LYZL4: variants seen among roughly 807,000 people sequenced by gnomAD.
LYZL4 encodes the protein lysozyme like 4.
LYZL4 carries 13 observed loss-of-function variants against 17.6 expected under a neutral mutation model. That is an observed-to-expected ratio of 0.74 (90% CI 0.48 to 1.18). LYZL4 has a LOEUF of 1.18. Among genes scored for constraint, LYZL4 ranks in the 50% most tolerant of loss-of-function variants. The probability of loss-of-function intolerance (pLI) is 0.00; values close to 1 mark genes in which losing one functional copy is unlikely to be tolerated. For synonymous variants in LYZL4, 64 were observed against 67.7 expected (o/e 0.95, Z 0.27); for missense variants, 174 against 188.2 (o/e 0.92, Z 0.44).
chr3:42,364,268 T>C, the LYZL4 span, among the ~76,000 whole-genome samples: 1 of 152,122 alleles, frequency 6.6e-6, no homozygotes. Flanking sequence ...AGCAATGGGG[T>C]GTCCTACAAC....
At chr3:42,364,486 G>T in the LYZL4 span, among the ~76,000 whole-genome samples, 1 of 151,786 alleles carries the variant, frequency 6.6e-6, no homozygotes, top group Non-Finnish European at 1.5e-5. Context: ...GGGATTACAG[G>T]CACTCGCCAC....
intron 4 of LYZL4, among the ~76,000 whole-genome samples, chr3:42,401,279 T>C (rs1698647914): frequency 6.6e-6 from 1 of 152,088 alleles, no homozygotes; most frequent in African/African-American, 2.4e-5. Context: ...CACACAATCT[T>C]AGCTCACTGG....
chr3:42,407,282 C>G lies in LYZL4; in HGVS notation c.-31G>C. On this transcript the variant is annotated 5_prime_UTR_variant, in exon 2 of 5. Transcript: ENST00000287748. ...CCAGGCTCCTGGCAGGTCAGGGCAA[C>G]GGTGGCCAGATGAGTGGGTGGAGTC... 6.2e-7 allele frequency: 1 copy of G among 1,612,774 alleles called. No individual in the cohort carries two copies. The highest frequency in any genetic ancestry group is 8.5e-7 in the Non-Finnish European group (1 of 1,179,590).
the LYZL4 span, among the ~76,000 whole-genome samples, chr3:42,385,557 T>C: frequency 1.3e-5 from 2 of 152,164 alleles, no homozygotes; most frequent in Non-Finnish European, 2.9e-5. Flanking sequence ...TGTATCCACA[T>C]CATTAAGTAA....
the LYZL4 span, among the ~76,000 whole-genome samples, chr3:42,381,496 C>T: frequency 6.6e-6 from 1 of 152,146 alleles, no homozygotes; most frequent in East Asian, 1.9e-4. Flanking sequence ...TGGCTTAAAA[C>T]TGACATATGA....
chr3:42,386,099 C>CT, the LYZL4 span, among the ~76,000 whole-genome samples: 8 of 151,348 alleles, frequency 5.3e-5, no homozygotes, highest in South Asian at 2.1e-4. Flanking sequence ...CTCCTGCATC[C>CT]TTTTTTTTTC....
chr3:42,371,231 A>T, the LYZL4 span, among the ~76,000 whole-genome samples: 2 of 152,206 alleles, frequency 1.3e-5, no homozygotes, highest in East Asian at 3.8e-4. Flanking sequence ...TTATTGCCTT[A>T]CTAGAGGAGA....
chr3:42,384,355 A>G, the LYZL4 span, among the ~76,000 whole-genome samples: 1 of 152,164 alleles, frequency 6.6e-6, no homozygotes, highest in African/African-American at 2.4e-5. Context: ...CCAAGAAGAA[A>G]GAAGGGATAG....
chr3:42,369,201 T>C, the LYZL4 span, among the ~76,000 whole-genome samples: 1 of 152,146 alleles, frequency 6.6e-6, no homozygotes, highest in Non-Finnish European at 1.5e-5. Context: ...AAGCCAACTA[T>C]ATTTATCAGT....
the LYZL4 span, among the ~76,000 whole-genome samples, chr3:42,391,841 A>G: frequency 6.6e-6 from 1 of 151,656 alleles, no homozygotes; most frequent in African/African-American, 2.4e-5. Flanking sequence ...TCAAGCAGGG[A>G]GGGAGAAAGT....
the LYZL4 span, among the ~76,000 whole-genome samples, chr3:42,368,277 T>G: frequency 6.6e-6 from 1 of 152,262 alleles, no homozygotes; most frequent in African/African-American, 2.4e-5. Context: ...CTACTACTAT[T>G]AAGTTGTTTG....
At chr3:42,392,815 A>G (rs1698502415), downstream of LYZL4, among the ~76,000 whole-genome samples, 1 of 152,160 alleles carries the variant, frequency 6.6e-6, no homozygotes, top group Non-Finnish European at 1.5e-5. Flanking sequence ...GAAAGATATG[A>G]GGTGGCGTTC....
chr3:42,379,774 G>A, the LYZL4 span, among the ~76,000 whole-genome samples: 2 of 152,132 alleles, frequency 1.3e-5, no homozygotes, highest in Non-Finnish European at 2.9e-5. Flanking sequence ...GAATCTTTGT[G>A]CCCTCCCAAA....
downstream of LYZL4, among the ~76,000 whole-genome samples, chr3:42,395,889 C>T (rs1348957395): frequency 6.6e-6 from 1 of 151,906 alleles, no homozygotes; most frequent in Non-Finnish European, 1.5e-5. Flanking sequence ...GGTGAAACCC[C>T]GTCTTTACTA....
downstream of LYZL4, among the ~76,000 whole-genome samples, chr3:42,395,408 C>T (rs1226557196): frequency 6.6e-6 from 1 of 152,082 alleles, no homozygotes; most frequent in Non-Finnish European, 1.5e-5. Flanking sequence ...TGCTGTAGAC[C>T]TGGAAATATT....
At chr3:42,393,399 G>C (rs566951696), downstream of LYZL4, among the ~76,000 whole-genome samples, 49 of 152,144 alleles carry the variant, frequency 3.2e-4, no homozygotes, top group Admixed American at 7.2e-4. Flanking sequence ...CTGTAGCAGC[G>C]TTTTTACTCA....
At chr3:42,404,817 T>A (rs1698720785) in intron 3 of LYZL4, among the ~76,000 whole-genome samples, 1 of 152,218 alleles carries the variant, frequency 6.6e-6, no homozygotes, top group Admixed American at 6.5e-5. Flanking sequence ...CTGGATGACA[T>A]TGAATGTACC....
At chr3:42,374,981 T>C in the LYZL4 span, among the ~76,000 whole-genome samples, 2 of 152,118 alleles carry the variant, frequency 1.3e-5, no homozygotes, top group Non-Finnish European at 2.9e-5. Flanking sequence ...AGCTAATTTT[T>C]TGTATTTTTA....
intron 4 of LYZL4, among the ~76,000 whole-genome samples, chr3:42,401,072 C>CTGCTAAATGG (rs1698643740): frequency 6.6e-6 from 1 of 152,174 alleles, no homozygotes; most frequent in Admixed American, 6.5e-5. Flanking sequence ...AAGAAAAAGC[C>CTGCTAAATGG]ACACAACCTG....
Sources: gnomAD v4.1 joint callset for allele counts (sites outside exome capture counted in the v4.1 genomes callset) on GRCh38, gnomAD v4.1.1 for gene constraint, MANE v1.5 for transcripts, NCBI Gene and HGNC (gene_info 2026-07-23, HGNC 2026-07-21) for gene names.